The following CA2 variants were observed in gnomAD, a reference collection of about 807,000 sequenced individuals.
CA2 encodes the protein carbonate dehydratase II.
Under a neutral mutation model 27.8 loss-of-function variants are expected in CA2, and 23 were observed. The ratio of observed to expected loss-of-function variants is 0.83; its 90% CI spans 0.59 to 1.17. The LOEUF is 1.17. Ranked by LOEUF, CA2 falls within the 50% of genes most tolerant of loss-of-function variation. The pLI, the probability that CA2 is intolerant of heterozygous loss-of-function variation, is 0.00. For missense variants in CA2, 300 were observed against 314.7 expected (o/e 0.95, Z 0.35); for synonymous variants, 99 against 114.9 (o/e 0.86, Z 0.88).
chr8:85,466,670 A>T (rs1169585657), intron 2 of CA2, among the ~76,000 whole-genome samples: 1 of 69,106 alleles, frequency 1.4e-5, no homozygotes, highest in Admixed American at 2.2e-4. Context: ...ACACACATAC[A>T]TACATACATA....
At chr8:85,465,570 A>G (rs1284700271) in intron 2 of CA2, 101 bp downstream of exon 2, 1 of 923,372 alleles carries the variant, frequency 1.1e-6, no homozygotes, top group African/African-American at 1.6e-5. Context: ...TTAATAATAC[A>G]GTTTGTCTCA....
At chr8:85,472,852 A>G (rs558031759) in intron 2 of CA2, among the ~76,000 whole-genome samples, 253 of 151,894 alleles carry the variant, frequency 1.7e-3, no homozygotes, top group Middle Eastern at 3.4e-3. Flanking sequence ...TTAACTGGAC[A>G]TGGTGGTGCA....
chr8:85,472,301 T>C (rs1811723451), intron 2 of CA2, among the ~76,000 whole-genome samples: 1 of 152,116 alleles, frequency 6.6e-6, no homozygotes, highest in African/African-American at 2.4e-5. Context: ...ACTAGAAAAA[T>C]AAAATTTAAA....
chr8:85,474,073 A>G (rs1046089738), intron 3 of CA2: 1 of 606,462 alleles, frequency 1.6e-6, no homozygotes, highest in African/African-American at 1.8e-5. Context: ...ACAGAAATTT[A>G]GAAATAAAAT....
At chr8:85,476,549 T>A (rs1285440304) in intron 5 of CA2, among the ~76,000 whole-genome samples, 1 of 152,236 alleles carries the variant, frequency 6.6e-6, no homozygotes, top group Non-Finnish European at 1.5e-5. Flanking sequence ...CTGTCTCTAC[T>A]TTGTTTTTTC....
At chr8:85,464,370 G>C in intron 1 of CA2, 1 of 438,482 alleles carries the variant, frequency 2.3e-6, no homozygotes, top group Non-Finnish European at 4.0e-6. Flanking sequence ...GGCGCGTAGG[G>C]CCCGAGGGAG....
chr8:85,465,567 TAC>T (rs1811617017), intron 2 of CA2, 98 bp downstream of exon 2: 4 of 966,502 alleles, frequency 4.1e-6, no homozygotes, highest in South Asian at 2.8e-5. Flanking sequence ...CTCTTAATAA[TAC>T]AGTTTGTCTC....
At chr8:85,473,860 G>T in intron 3 of CA2, 49 bp downstream of exon 3, 1 of 1,013,992 alleles carries the variant, frequency 9.9e-7, no homozygotes. Flanking sequence ...TTTATAAGTT[G>T]ATATTTAGCA....
At chr8:85,477,099 T>C (rs1452214553) in intron 5 of CA2, 21 bp from the exon 6 acceptor site, 3 of 1,613,706 alleles carry the variant, frequency 1.9e-6, no homozygotes, top group South Asian at 2.2e-5. Context: ...AGTTTGAAGC[T>C]GCGTATTTGC....
chr8:85,480,695 T>G lies in CA2; in HGVS notation c.689T>G (p.Phe230Cys). 6.2e-7 allele frequency: 1 copy of G among 1,613,716 alleles called. No individual in the cohort carries two copies. The highest frequency in any genetic ancestry group is 8.5e-7 in the Non-Finnish European group (1 of 1,179,702). Reference protein sequence around the residue: ...EQVLKFRKLNFNGEGEPEELM... With the variant: ...EQVLKFRKLNCNGEGEPEELM... ...GTGTTGAAATTCCGTAAACTTAACT[T>G]CAATGGGGAGGGTGAACCCGAAGAA... The change falls in exon 7 of 7, where the codon TTC becomes TGC. Residue 230 changes from phenylalanine (F) to cysteine (C), a missense_variant. By Grantham distance (205) the Phe-to-Cys change is radical. Coordinates refer to ENST00000285379, the MANE Select transcript of CA2 (RefSeq NM_000067.3).
At chr8:85,470,347 G>A (rs927496853) in intron 2 of CA2, among the ~76,000 whole-genome samples, 2 of 152,176 alleles carry the variant, frequency 1.3e-5, no homozygotes, top group African/African-American at 4.8e-5. Context: ...TTATAGAAAA[G>A]ATGGTACCGA....
In CA2 at chr8:85,477,102, G is replaced by T; in HGVS notation, c.508-18G>T. On this transcript the variant is annotated intron_variant, in intron 5 of 6. Coordinates refer to ENST00000285379, the MANE Select transcript of CA2 (RefSeq NM_000067.3). Reference sequence around the variant, plus strand: ...TGTCAATGTGATAGTTTGAAGCTGCGTATTTGCCTTGTTCTAGGGCAAGAG... The same window carrying T: ...TGTCAATGTGATAGTTTGAAGCTGCTTATTTGCCTTGTTCTAGGGCAAGAG... 1.2e-6 allele frequency: 2 copies of T among 1,613,706 alleles called. No homozygotes were observed. Among genetic ancestry groups the T allele is most frequent in the Non-Finnish European group, 1.7e-6 (2 of 1,179,680 alleles).
chr8:85,464,913 T>A (rs918855160), intron 1 of CA2: 10 of 258,360 alleles, frequency 3.9e-5, no homozygotes, highest in Non-Finnish European at 5.3e-5. Flanking sequence ...TGAGCTTGCA[T>A]ATCCCAAAAT....
intron 6 of CA2, among the ~76,000 whole-genome samples, chr8:85,480,049 G>A (rs1024379137): frequency 6.6e-6 from 1 of 152,114 alleles, no homozygotes; most frequent in East Asian, 1.9e-4. Flanking sequence ...TGAGTTTATA[G>A]ACTTTTGATG....
At chr8:85,473,916 A>C in intron 3 of CA2, 105 bp downstream of exon 3, 1 of 774,620 alleles carries the variant, frequency 1.3e-6, no homozygotes, top group South Asian at 1.4e-5. Flanking sequence ...CGCCCAGTGA[A>C]CCACTTCTTT....
intron 2 of CA2, among the ~76,000 whole-genome samples, chr8:85,469,829 AGGAAGCTGGATGAGTTT>A (rs1811688983): frequency 1.3e-5 from 2 of 152,206 alleles, no homozygotes; most frequent in Middle Eastern, 3.2e-3. Flanking sequence ...AAAAGAGTAA[AGGAAGCTGGATGAGTTT>A]ACCTGTGCTC....
intron 2 of CA2, among the ~76,000 whole-genome samples, chr8:85,472,077 T>C (rs1811721159): frequency 6.6e-6 from 1 of 152,222 alleles, no homozygotes; most frequent in African/African-American, 2.4e-5. Context: ...ACCCCACTGC[T>C]TAAATATCTT....
rs558964880 is a variant in CA2, at chr8:85,473,759, T to C, written c.299T>C (p.Leu100Pro). The change falls in exon 3 of 7, where the codon CTT (leucine) becomes CCT (proline). Residue 100 changes from leucine (L) to proline (P), a missense_variant. This residue lies in a region of CA2 where 122 missense variants were observed against 133.2 expected (regional missense o/e 0.92). Coordinates refer to ENST00000285379, the MANE Select transcript of CA2 (RefSeq NM_000067.3). ...LIQFHFHWGS[L>P]DGQGSEHTVD... is the part of the protein sequence containing the mutation. ...CAGTTTCACTTTCACTGGGGTTCAC[T>C]TGATGGACAAGGTTCAGAGCATACT... is the stretch of plus-strand genomic sequence containing the variant. The C allele has an allele frequency of 1.2e-5, 19 of 1,612,922 alleles. 1 individual carries two copies. The East Asian group carries it at 3.8e-4, about 32-fold the overall frequency.
chr8:85,464,048 C>G lies in CA2; in HGVS notation c.-34C>G, dbSNP rs1456578501. On this transcript the variant is annotated 5_prime_UTR_variant, in exon 1 of 7. Transcript: ENST00000285379. ...CAAGCCGCCGCCGCCAGATCGGTGC[C>G]GATTCCTGCCCTGCCCCGACCGCCA... is the stretch of plus-strand genomic sequence containing the variant. The G allele has an allele frequency of 7.8e-6, 12 of 1,542,218 alleles. No individual in the cohort carries two copies. Among genetic ancestry groups the G allele is most frequent in the South Asian group, 1.2e-5 (1 of 84,020 alleles).
Sources: allele counts gnomAD v4.1 joint callset (sites outside exome capture counted in the v4.1 genomes callset), GRCh38; gene constraint gnomAD v4.1.1; regional missense constraint gnomAD v4.1.1; transcripts MANE v1.5; gene names NCBI Gene and HGNC (gene_info 2026-07-23, HGNC 2026-07-21).